The following ERBB4 variants were observed in gnomAD, a reference collection of about 807,000 sequenced individuals.
The protein encoded by ERBB4 is receptor tyrosine-protein kinase erbB-4.
In ERBB4, 42 loss-of-function variants were observed where a neutral mutation model predicts 158.0. That is an observed-to-expected ratio of 0.27 (90% CI 0.21 to 0.34). ERBB4 has a LOEUF of 0.34. Ranked by LOEUF, ERBB4 falls within the 10% of genes least tolerant of loss-of-function variation. The probability of loss-of-function intolerance (pLI) is 1.00; values close to 1 mark genes in which losing one functional copy is unlikely to be tolerated. For synonymous variants in ERBB4, 583 were observed against 558.7 expected (o/e 1.04, Z -0.61); for missense variants, 1,333 against 1,624.1 (o/e 0.82, Z 3.08).
At chr2:212,435,815 T>A (rs1216137944) in intron 1 of ERBB4, among the ~76,000 whole-genome samples, 1 of 151,974 alleles carries the variant, frequency 6.6e-6, no homozygotes, top group Non-Finnish European at 1.5e-5. Context: ...CCCAGGGTTC[T>A]CTGACCCCAA....
chr2:212,006,759 G>C (rs2076268716), intron 2 of ERBB4, among the ~76,000 whole-genome samples: 1 of 151,916 alleles, frequency 6.6e-6, no homozygotes, highest in Non-Finnish European at 1.5e-5. Context: ...TCACTATCTT[G>C]TGACAATAGT....
intron 20 of ERBB4, among the ~76,000 whole-genome samples, chr2:211,475,866 GTAT>G (rs1257680041): frequency 2.6e-5 from 4 of 152,074 alleles, no homozygotes; most frequent in African/African-American, 9.7e-5. Flanking sequence ...ATCTGTAGTA[GTAT>G]AAGTTGTTGA....
intron 1 of ERBB4, among the ~76,000 whole-genome samples, chr2:212,158,098 ATT>A (rs778309428): frequency 6.6e-5 from 10 of 152,036 alleles, no homozygotes; most frequent in Non-Finnish European, 1.3e-4. Flanking sequence ...AGTGTTTTGC[ATT>A]TGTCTCACTG....
At chr2:211,713,776 AAAC>A (rs1326381922) in intron 7 of ERBB4, 128 bp from the exon 8 acceptor site, 1 of 656,780 alleles carries the variant, frequency 1.5e-6, no homozygotes, top group African/African-American at 1.8e-5. Context: ...TCTTACCCTT[AAAC>A]AACTCTTTGT....
At chr2:211,747,924 G>A (rs1348219944) in intron 5 of ERBB4, among the ~76,000 whole-genome samples, 1 of 151,790 alleles carries the variant, frequency 6.6e-6, no homozygotes, top group African/African-American at 2.4e-5. Context: ...TCCCTTATAT[G>A]AAATGGCATA....
chr2:211,701,895 ATTGT>A (rs2073268255), intron 12 of ERBB4, 68 bp downstream of exon 12: 7 of 1,136,388 alleles, frequency 6.2e-6, no homozygotes, highest in Non-Finnish European at 6.7e-6. Context: ...GTTATTTTTA[ATTGT>A]TTGGTCCAAA....
chr2:212,216,236 C>T (rs2083096013), intron 1 of ERBB4, among the ~76,000 whole-genome samples: 1 of 151,166 alleles, frequency 6.6e-6, no homozygotes, highest in African/African-American at 2.4e-5. Context: ...TTTCAACATC[C>T]TTATCATAAG....
Position 212,078,055 on chromosome 2 carries a change from T to C in ERBB4, c.234+46697A>G, listed in dbSNP as rs183283957. ...TAATTCCAAAGGAAGTTAGAGATTC[T>C]CTTGGTAATTAGACAAAATCATATT... On this transcript the variant is annotated intron_variant, in intron 2 of 27. Coordinates refer to ENST00000342788, the MANE Select transcript of ERBB4 (RefSeq NM_005235.3). Among the ~76,000 whole-genome samples the C allele has an allele frequency of 2.5e-3, 384 of 152,168 alleles. 1 individual carries two copies. Among genetic ancestry groups the C allele is most frequent in the African/African-American group, 8.9e-3 (368 of 41,564 alleles).
intron 20 of ERBB4, among the ~76,000 whole-genome samples, chr2:211,439,526 T>G (rs899221266): frequency 9.9e-5 from 15 of 152,220 alleles, no homozygotes; most frequent in African/African-American, 3.6e-4. Flanking sequence ...TATATTTTTA[T>G]GTATATGGTC....
intron 14 of ERBB4, among the ~76,000 whole-genome samples, chr2:211,670,495 C>A (rs1427508475): frequency 6.6e-6 from 1 of 152,076 alleles, no homozygotes; most frequent in Non-Finnish European, 1.5e-5. Flanking sequence ...CAAAAACCCA[C>A]AAATTAGGAG....
At chr2:211,463,030 T>TA (rs1400476111) in intron 20 of ERBB4, among the ~76,000 whole-genome samples, 8 of 152,150 alleles carry the variant, frequency 5.3e-5, no homozygotes, top group African/African-American at 1.9e-4. Context: ...AGTCCATAGT[T>TA]AGAATGAGTA....
intron 1 of ERBB4, among the ~76,000 whole-genome samples, chr2:212,318,889 T>C (rs979051417): frequency 2.6e-5 from 4 of 151,620 alleles, no homozygotes; most frequent in Non-Finnish European, 4.4e-5. Context: ...ACAGCATTAC[T>C]GGCCAATGGC....
At chr2:211,534,441 T>C (rs2125670095) in intron 20 of ERBB4, among the ~76,000 whole-genome samples, 1 of 152,152 alleles carries the variant, frequency 6.6e-6, no homozygotes, top group South Asian at 2.1e-4. Context: ...ACTCTGCAAA[T>C]TGTCCACACA....
chr2:212,307,468 A>G (rs567302267), intron 1 of ERBB4, among the ~76,000 whole-genome samples: 4 of 151,422 alleles, frequency 2.6e-5, no homozygotes, highest in African/African-American at 7.2e-5. Flanking sequence ...AGTTATAAAA[A>G]GTATGCAGAA....
intron 16 of ERBB4, among the ~76,000 whole-genome samples, chr2:211,656,777 C>A (rs959354261): frequency 1.3e-5 from 2 of 152,092 alleles, no homozygotes; most frequent in Non-Finnish European, 2.9e-5. Flanking sequence ...TATTTGAGAT[C>A]CATCCATGGT....
chr2:212,331,888 C>T (rs1475748474), intron 1 of ERBB4, among the ~76,000 whole-genome samples: 1 of 151,906 alleles, frequency 6.6e-6, no homozygotes, highest in Non-Finnish European at 1.5e-5. Flanking sequence ...GGCTGTAATT[C>T]AATATTTAAG....
chr2:212,226,411 G>GGT (rs966904828), intron 1 of ERBB4, among the ~76,000 whole-genome samples: 3 of 10,528 alleles, frequency 2.8e-4, no homozygotes, highest in East Asian at 3.4e-3. Context: ...GTAAAGACAT[G>GGT]GGGGGGGGTT....
chr2:211,688,653 G>A (rs921802314), intron 12 of ERBB4, among the ~76,000 whole-genome samples: 2 of 152,080 alleles, frequency 1.3e-5, no homozygotes, highest in African/African-American at 4.8e-5. Flanking sequence ...ACAATGCAAA[G>A]TGGGATTACT....
At chr2:212,329,514 A>T (rs1170535729) in intron 1 of ERBB4, among the ~76,000 whole-genome samples, 1 of 152,050 alleles carries the variant, frequency 6.6e-6, no homozygotes, top group African/African-American at 2.4e-5. Flanking sequence ...CCTGTTGAAA[A>T]TACCTTGAAT....
Sources: allele counts gnomAD v4.1 joint callset (sites outside exome capture counted in the v4.1 genomes callset), GRCh38; gene constraint gnomAD v4.1.1; transcripts MANE v1.5; gene names NCBI Gene and HGNC (gene_info 2026-07-23, HGNC 2026-07-21).